Variants in RFX3 observed in about 807,000 individuals in gnomAD.
RFX3 encodes the protein regulatory factor X3.
RFX3 carries 14 observed loss-of-function variants against 98.6 expected under a neutral mutation model. The observed-to-expected ratio is 0.14, with a 90% confidence interval of 0.09 to 0.22. The LOEUF (loss-of-function observed/expected upper bound fraction) is 0.22, where lower values mean the gene tolerates loss of function less well. Ranked by LOEUF, RFX3 falls within the 10% of genes least tolerant of loss-of-function variation. The probability of loss-of-function intolerance (pLI) is 1.00; values close to 1 mark genes in which losing one functional copy is unlikely to be tolerated. For synonymous variants in RFX3, 383 were observed against 328.4 expected, an observed-to-expected ratio of 1.17 and a Z score of -1.80; for missense variants, 639 against 926.9, an observed-to-expected ratio of 0.69 and a Z score of 4.03.
rs113254481 is a variant in RFX3 at position 3,230,965 on chromosome 9, C to A, written c.1969-2076G>T. Among the ~76,000 whole-genome samples, 1,139 of 152,290 alleles carry A rather than the reference C, an allele frequency of 7.5e-3. 4 individuals are homozygous for A. Among genetic ancestry groups the A allele is most frequent in the Non-Finnish European group, 1.0e-2 (678 of 68,038 alleles). ...CGAAAACATGACAACTTCCTTAATACAAAGATTTTCCTTAGATGTTTCTAC... is the reference window on the plus strand; with the variant it reads ...CGAAAACATGACAACTTCCTTAATAAAAAGATTTTCCTTAGATGTTTCTAC... On this transcript the variant is annotated intron_variant, in intron 15 of 16. Transcript: ENST00000617270.
chr9:3,463,148 C>T (rs994322734), intron 1 of RFX3, among the ~76,000 whole-genome samples: 2 of 151,756 alleles, frequency 1.3e-5, no homozygotes, highest in African/African-American at 4.8e-5. Flanking sequence ...AGACTTTGAG[C>T]TACAATAATC....
rs1267046104 is a variant in RFX3, at chr9:3,224,305, A to G, written c.*737T>C. The G allele has an allele frequency of 6.6e-6, 1 of 152,236 alleles. No homozygotes were observed. Among genetic ancestry groups the G allele is most frequent in the East Asian group, 1.9e-4 (1 of 5,200 alleles). 9.4% of individuals were successfully genotyped at this position (152,236 alleles called of 1,614,324 possible). On this transcript the variant is annotated 3_prime_UTR_variant, in exon 17 of 17. Coordinates refer to ENST00000617270, the MANE Select transcript of RFX3 (RefSeq NM_001282116.2). ...TTTAAACAGAGGAATTGGTATGCAAATAATAGTTAAAATTCAATGTTTAAC... is the reference window on the plus strand; with the variant it reads ...TTTAAACAGAGGAATTGGTATGCAAGTAATAGTTAAAATTCAATGTTTAAC...
At chr9:3,384,698 T>C (rs765711834) in intron 2 of RFX3, among the ~76,000 whole-genome samples, 1 of 152,182 alleles carries the variant, frequency 6.6e-6, no homozygotes, top group Non-Finnish European at 1.5e-5. Flanking sequence ...AAAACTTAAA[T>C]AGCTTATAGT....
chr9:3,330,366 T>C lies in RFX3; in HGVS notation c.367A>G (p.Thr123Ala). 1 of 1,614,170 alleles carries C rather than the reference T, an allele frequency of 6.2e-7. No individual in the cohort carries two copies. Among genetic ancestry groups the C allele is most frequent in the Non-Finnish European group, 8.5e-7 (1 of 1,180,030 alleles). The change falls in exon 4 of 17, where the codon ACA becomes GCA. Residue 123 changes from threonine (T) to alanine (A), a missense_variant. By Grantham distance (58) the Thr-to-Ala change is moderately conservative. Around this residue, in one of 9 missense-constraint regions of RFX3, gnomAD observed 210 missense variants for 197.7 expected, o/e 1.06. Transcript: ENST00000617270. ...VGTGGIQMGV[T>A]GGQLISSSGG... is the part of the protein sequence containing the mutation. ...GAGCTGCTGATGAGTTGTCCTCCTGTGACGCCCATCTGAATCCCACCAGTG... is the reference window on the plus strand; with the variant it reads ...GAGCTGCTGATGAGTTGTCCTCCTGCGACGCCCATCTGAATCCCACCAGTG...
chr9:3,499,386 A>G (rs1014109344), intron 1 of RFX3, among the ~76,000 whole-genome samples: 1 of 152,068 alleles, frequency 6.6e-6, no homozygotes, highest in South Asian at 2.1e-4. Flanking sequence ...ACATTTCATT[A>G]TAAAAACAGA....
chr9:3,505,222 TTA>T (rs1306286411), intron 1 of RFX3, among the ~76,000 whole-genome samples: 7 of 55,576 alleles, frequency 1.3e-4, no homozygotes, highest in African/African-American at 2.1e-4. Flanking sequence ...GAATATATAT[TTA>T]TATATGAATA....
intron 4 of RFX3, among the ~76,000 whole-genome samples, chr9:3,313,009 G>T (rs531790370): frequency 3.8e-4 from 58 of 152,332 alleles, no homozygotes; most frequent in Non-Finnish European, 6.0e-4. Context: ...CAGCTTTGAA[G>T]AGAGTAGTGG....
intron 1 of RFX3, among the ~76,000 whole-genome samples, chr9:3,474,541 C>T (rs920391408): frequency 6.6e-6 from 1 of 152,150 alleles, no homozygotes; most frequent in Admixed American, 6.5e-5. Context: ...ATCAATGACG[C>T]TTTTAAAATT....
At chr9:3,374,014 G>C (rs1488470845) in intron 2 of RFX3, among the ~76,000 whole-genome samples, 1 of 151,984 alleles carries the variant, frequency 6.6e-6, no homozygotes, top group Non-Finnish European at 1.5e-5. Context: ...AGAGGCAGAG[G>C]TTGCAGTGAG....
intron 1 of RFX3, among the ~76,000 whole-genome samples, chr9:3,395,955 C>T (rs994204636): frequency 1.3e-5 from 2 of 152,212 alleles, no homozygotes; most frequent in Non-Finnish European, 1.5e-5. Context: ...ACAAACCCTA[C>T]CTGGATGTAA....
At chr9:3,408,525 C>G (rs777533809) in intron 1 of RFX3, among the ~76,000 whole-genome samples, 2 of 151,922 alleles carry the variant, frequency 1.3e-5, no homozygotes, top group Non-Finnish European at 2.9e-5. Context: ...CAAGTCTCAC[C>G]CAGGCCTTTT....
intron 1 of RFX3, among the ~76,000 whole-genome samples, chr9:3,455,348 C>G (rs1235228715): frequency 6.6e-6 from 1 of 152,154 alleles, no homozygotes; most frequent in African/African-American, 2.4e-5. Flanking sequence ...CATATTCTTT[C>G]TTAATTCAGG....
intron 1 of RFX3, among the ~76,000 whole-genome samples, chr9:3,478,819 C>T (rs893686260): frequency 2.0e-5 from 3 of 152,188 alleles, no homozygotes; most frequent in African/African-American, 7.2e-5. Context: ...CAGATTCTTC[C>T]TTTGCCTCAA....
chr9:3,336,277 C>T (rs1833166698), intron 3 of RFX3, among the ~76,000 whole-genome samples: 2 of 151,840 alleles, frequency 1.3e-5, no homozygotes, highest in African/African-American at 2.4e-5. Flanking sequence ...TATTCTAGCA[C>T]CTAGAATAAA....
At chr9:3,307,838 A>T (rs1387296391) in intron 4 of RFX3, among the ~76,000 whole-genome samples, 2 of 152,200 alleles carry the variant, frequency 1.3e-5, no homozygotes, top group African/African-American at 2.4e-5. Context: ...GACTAATGCA[A>T]AGCCTCAGTG....
chr9:3,321,887 T>G (rs1400046535), intron 4 of RFX3, among the ~76,000 whole-genome samples: 1 of 152,146 alleles, frequency 6.6e-6, no homozygotes, highest in Non-Finnish European at 1.5e-5. Flanking sequence ...CATTTACTGA[T>G]AATCCATGAC....
At chr9:3,282,620 C>T (rs997131163) in intron 7 of RFX3, among the ~76,000 whole-genome samples, 2 of 151,892 alleles carry the variant, frequency 1.3e-5, no homozygotes, top group East Asian at 1.9e-4. Context: ...ATTCTCTGAT[C>T]TCATGAATTT....
intron 15 of RFX3, 165 bp downstream of exon 15, chr9:3,247,866 AC>A: frequency 6.2e-7 from 1 of 1,609,104 alleles, no homozygotes; most frequent in Non-Finnish European, 8.5e-7. Context: ...GCACATAAGA[AC>A]AGAGGAATTT....
intron 9 of RFX3, 85 bp from the exon 10 acceptor site, chr9:3,271,203 A>G: frequency 8.7e-7 from 1 of 1,149,456 alleles, no homozygotes; most frequent in Admixed American, 1.8e-5. Flanking sequence ...AAGATTTTAT[A>G]TGGTCAAGTT....
Sources: allele counts gnomAD v4.1 joint callset (sites outside exome capture counted in the v4.1 genomes callset), GRCh38; gene constraint gnomAD v4.1.1; regional missense constraint gnomAD v4.1.1; transcripts MANE v1.5; gene names NCBI Gene and HGNC (gene_info 2026-07-23, HGNC 2026-07-21).